The following XPO4 variants were observed in gnomAD, a reference collection of about 807,000 sequenced individuals.
The protein encoded by XPO4 is exportin-4.
In XPO4, 39 loss-of-function variants were observed where a neutral mutation model predicts 143.0. The observed-to-expected ratio is 0.27, with a 90% CI of 0.21 to 0.36. The LOEUF (loss-of-function observed/expected upper bound fraction) is 0.36, where lower values mean the gene tolerates loss of function less well. XPO4 is among the 10% of genes least tolerant of loss of function. XPO4 has a pLI of 1.00. For synonymous variants in XPO4, 439 were observed against 474.0 expected (o/e 0.93, Z 0.96); for missense variants, 907 against 1,348.0 (o/e 0.67, Z 5.12).
At chr13:20,864,744 G>GAA (rs1466492708) in intron 2 of XPO4, among the ~76,000 whole-genome samples, 4 of 152,048 alleles carry the variant, frequency 2.6e-5, no homozygotes, top group Non-Finnish European at 5.9e-5. Context: ...GGCAGTTATA[G>GAA]AAGATGAATA....
chr13:20,848,784 C>A, intron 4 of XPO4: 1 of 985,058 alleles, frequency 1.0e-6, no homozygotes, highest in Non-Finnish European at 1.2e-6. Context: ...TGATGTGTTC[C>A]CTATTTTTTG....
intron 1 of XPO4, chr13:20,869,361 G>T: frequency 4.2e-6 from 1 of 240,402 alleles, no homozygotes; most frequent in Non-Finnish European, 6.7e-6. Context: ...TTCTTCTAAA[G>T]ATAATAATCT....
At chr13:20,819,387 C>T (rs753728576) in intron 9 of XPO4, among the ~76,000 whole-genome samples, 8 of 152,028 alleles carry the variant, frequency 5.3e-5, no homozygotes, top group East Asian at 1.9e-4. Context: ...CTTGGCCAGG[C>T]GCGGTGGCTC....
At chr13:20,827,645 C>A (rs188810033) in intron 6 of XPO4, among the ~76,000 whole-genome samples, 12 of 152,070 alleles carry the variant, frequency 7.9e-5, no homozygotes, top group Non-Finnish European at 1.2e-4. Flanking sequence ...AATATATTCA[C>A]TGGAAAAGCA....
rs2059852994 is a variant in XPO4, at chr13:20,831,641, C to T, written c.728-4462G>A. Among the ~76,000 whole-genome samples the T allele has an allele frequency of 4.6e-5, 7 of 151,966 alleles. No homozygotes were observed. The South Asian group carries it at 1.5e-3, about 32-fold the overall frequency. Reference sequence around the variant, plus strand: ...TTTTATCAGAATAATTCATTTGTAACCAAACAAAACACAATTCCATCAATA... The same window carrying T: ...TTTTATCAGAATAATTCATTTGTAATCAAACAAAACACAATTCCATCAATA... On this transcript the variant is annotated intron_variant, in intron 6 of 22. Transcript: ENST00000255305.
chr13:20,793,335 T>C lies in XPO4; in HGVS notation c.2797+2741A>G, dbSNP rs375796726. ...CTTTTTACCCCTATTTTGTTTTGTC[T>C]AGCCTGAGCATTATAGCATCAATTT... On this transcript the variant is annotated intron_variant, in intron 18 of 22. Transcript: ENST00000255305. Among the ~76,000 whole-genome samples, 304 of 152,350 alleles carry C rather than the reference T, an allele frequency of 2.0e-3. 1 individual carries two copies. Among genetic ancestry groups the C allele is most frequent in the South Asian group, 7.3e-3 (35 of 4,820 alleles).
chr13:20,887,053 A>G (rs1174948237), intron 1 of XPO4, among the ~76,000 whole-genome samples: 1 of 152,098 alleles, frequency 6.6e-6, no homozygotes, highest in East Asian at 1.9e-4. Flanking sequence ...CTGGGCAACA[A>G]GAGCGAAACT....
Position 20,809,070 on chromosome 13 carries a change from G to A in XPO4, c.1493+13C>T, listed in dbSNP as rs755634724. ...AATATTTGCTCCATGGGGTTTCTTTGGACTGTGTGTACCTTGTCAGAAGAG... is the reference window on the plus strand; with the variant it reads ...AATATTTGCTCCATGGGGTTTCTTTAGACTGTGTGTACCTTGTCAGAAGAG... On this transcript the variant is annotated intron_variant, in intron 11 of 22. Transcript: ENST00000255305. 1 of 1,609,346 alleles carries A rather than the reference G, an allele frequency of 6.2e-7. No homozygotes were observed. Among genetic ancestry groups the A allele is most frequent in the South Asian group, 1.1e-5 (1 of 90,216 alleles).
At chr13:20,789,711 C>T (rs972885303) in intron 19 of XPO4, among the ~76,000 whole-genome samples, 1 of 151,972 alleles carries the variant, frequency 6.6e-6, no homozygotes, top group Non-Finnish European at 1.5e-5. Context: ...CCCGGCCCAG[C>T]CTCTACTATC....
intron 9 of XPO4, among the ~76,000 whole-genome samples, chr13:20,818,713 C>A (rs1477733538): frequency 6.6e-6 from 1 of 152,202 alleles, no homozygotes; most frequent in Admixed American, 6.5e-5. Flanking sequence ...AGAGTGCACA[C>A]AGGTTTTCAA....
intron 1 of XPO4, among the ~76,000 whole-genome samples, chr13:20,898,495 G>A (rs1248354694): frequency 2.0e-5 from 3 of 152,128 alleles, no homozygotes; most frequent in East Asian, 1.9e-4. Flanking sequence ...AACCTGGGAG[G>A]CAGAGGTTAC....
At chr13:20,897,698 T>C (rs1383177937) in intron 1 of XPO4, among the ~76,000 whole-genome samples, 3 of 152,226 alleles carry the variant, frequency 2.0e-5, no homozygotes, top group African/African-American at 7.2e-5. Context: ...ACTAGCTACA[T>C]GACAACAGGC....
chr13:20,898,973 G>T (rs2138193644), intron 1 of XPO4, among the ~76,000 whole-genome samples: 1 of 152,208 alleles, frequency 6.6e-6, no homozygotes, highest in East Asian at 1.9e-4. Flanking sequence ...CTCAAGACCA[G>T]CCTGGGCAAC....
In XPO4 at chr13:20,831,804, ATTTTTTTTT is replaced by A. The variant is rs34302388; in HGVS notation, c.728-4634_728-4626del. On this transcript the variant is annotated intron_variant, in intron 6 of 22. Transcript: ENST00000255305. ...AAGAATCAGGACATTTAGTACAGTG[ATTTTTTTTT>A]TTTTTTTTTTTTTTTGGTCTCTGTA... Among the ~76,000 whole-genome samples, 70 of 88,770 alleles carry A rather than the reference ATTTTTTTTT, an allele frequency of 7.9e-4. No individual in the cohort carries two copies. The East Asian group carries it at 0.016, about 21-fold the overall frequency. The allele number at this position is 88,770 out of a possible 152,430, so 58.2% of individuals were successfully genotyped here.
intron 4 of XPO4, chr13:20,848,325 T>C: frequency 1.0e-6 from 1 of 985,410 alleles, no homozygotes; most frequent in Non-Finnish European, 1.2e-6. Context: ...AAATCTGGGC[T>C]CTAACAGTCC....
rs533674268 is a variant in XPO4, at chr13:20,838,345, C to G, written c.727+4550G>C. 8.1e-4 allele frequency among the ~76,000 whole-genome samples: 123 copies of G among 151,938 alleles called. 3 individuals are homozygous for G. The South Asian group carries it at 0.024, about 30-fold the overall frequency. The stretch of plus-strand genomic sequence containing the variant: ...CATTTTGGGGCTGGGCGCAGTGGCT[C>G]ACGCCTGTAATCCCAGCACTTTGGG... On this transcript the variant is annotated intron_variant, in intron 6 of 22. Coordinates refer to ENST00000255305, the MANE Select transcript of XPO4 (RefSeq NM_022459.5).
At chr13:20,882,109 C>CAAAAAAAAAAAAAAAAAAAAAAAAA (rs35404161) in intron 1 of XPO4, among the ~76,000 whole-genome samples, 17 of 93,344 alleles carry the variant, frequency 1.8e-4, no homozygotes, top group South Asian at 3.5e-4. Flanking sequence ...GACTCGGTCT[C>CAAAAAAAAAAAAAAAAAAAAAAAAA]AAAAAAAAAA....
intron 1 of XPO4, among the ~76,000 whole-genome samples, chr13:20,891,904 G>C (rs1006730257): frequency 2.6e-5 from 4 of 151,566 alleles, no homozygotes; most frequent in Non-Finnish European, 5.9e-5. Flanking sequence ...TGTTGCCCAG[G>C]CTTGAACTTC....
At chr13:20,833,298 G>A (rs954382981) in intron 6 of XPO4, among the ~76,000 whole-genome samples, 1 of 152,138 alleles carries the variant, frequency 6.6e-6, no homozygotes, top group African/African-American at 2.4e-5. Flanking sequence ...GGAGCTTCGC[G>A]CAGTAGGTAA....
Sources: allele counts gnomAD v4.1 joint callset (sites outside exome capture counted in the v4.1 genomes callset), GRCh38; gene constraint gnomAD v4.1.1; transcripts MANE v1.5; gene names NCBI Gene and HGNC (gene_info 2026-07-23, HGNC 2026-07-21).